CEP126: variants seen among roughly 807,000 people sequenced by gnomAD.
CEP126 encodes centrosomal protein 126, also known as centrosomal protein of 126 kDa.
CEP126 carries 74 observed loss-of-function variants against 107.8 expected under a neutral mutation model. That is an observed-to-expected ratio of 0.69 (90% CI 0.57 to 0.83). CEP126 has a LOEUF of 0.83. Ranked by LOEUF, CEP126 falls within the 40% of genes least tolerant of loss-of-function variation. The pLI is 0.00. For synonymous variants in CEP126, 449 were observed against 446.0 expected (o/e 1.01, Z -0.08); for missense variants, 1,237 against 1,281.9 (o/e 0.96, Z 0.53).
intron 4 of CEP126, among the ~76,000 whole-genome samples, chr11:101,952,257 T>C (rs1427368631): frequency 6.6e-6 from 1 of 152,126 alleles, no homozygotes. Flanking sequence ...GGCAGATAGG[T>C]TGGAAAAGAA....
intron 8 of CEP126, among the ~76,000 whole-genome samples, chr11:101,982,749 T>C (rs1010822187): frequency 1.3e-5 from 2 of 152,216 alleles, no homozygotes; most frequent in Non-Finnish European, 2.9e-5. Flanking sequence ...TACAAGTAGG[T>C]ATTGGATATA....
intron 3 of CEP126, among the ~76,000 whole-genome samples, chr11:101,947,077 T>G (rs958697294): frequency 6.6e-6 from 1 of 152,192 alleles, no homozygotes; most frequent in Non-Finnish European, 1.5e-5. Flanking sequence ...AGTTCAAGTT[T>G]GAACTAACCC....
chr11:101,981,876 T>A lies in CEP126; in HGVS notation c.2959-13T>A. The stretch of plus-strand genomic sequence containing the variant: ...ATGGAAATATGTTTTAATTCAATAT[T>A]CTATTTTTGTAGAATTTTGGACAAA... On this transcript the variant is annotated splice_polypyrimidine_tract_variant and intron_variant, in intron 7 of 10. Transcript: ENST00000263468. The A allele has an allele frequency of 1.3e-6, 2 of 1,499,236 alleles. No homozygotes were observed. Among genetic ancestry groups the A allele is most frequent in the Non-Finnish European group, 1.8e-6 (2 of 1,090,054 alleles). 92.9% of individuals were successfully genotyped at this position (1,499,236 alleles called of 1,614,324 possible).
intron 4 of CEP126, chr11:101,956,116 C>T (rs760164117): frequency 6.6e-5 from 30 of 456,598 alleles, no homozygotes; most frequent in East Asian, 4.2e-4. Context: ...ATCCACCCCA[C>T]GCACCCCAGA....
intron 10 of CEP126, 58 bp from the exon 11 acceptor site, chr11:101,997,541 T>A: frequency 6.2e-7 from 1 of 1,613,100 alleles, no homozygotes; most frequent in Non-Finnish European, 8.5e-7. Context: ...CAGCCTAGTT[T>A]GTAGCTGCAG....
At chr11:101,916,288 AT>A (rs1197780651) in intron 1 of CEP126, 2 of 152,198 alleles carry the variant, frequency 1.3e-5, no homozygotes, top group Admixed American at 1.3e-4. Context: ...CTCTGTTACA[AT>A]TTTAGCAGCA....
At chr11:101,924,266 T>G (rs1334556796) in intron 2 of CEP126, among the ~76,000 whole-genome samples, 1 of 152,222 alleles carries the variant, frequency 6.6e-6, no homozygotes, top group Non-Finnish European at 1.5e-5. Flanking sequence ...ATTTCACCTT[T>G]TATAAGGGGG....
rs1940974629 is a variant in CEP126 at position 101,961,827 on chromosome 11, A to G, written c.792A>G (p.Ile264Met). The G allele has an allele frequency of 6.2e-7, 1 of 1,611,086 alleles. No individual in the cohort carries two copies. The highest frequency in any genetic ancestry group is 8.5e-7 in the Non-Finnish European group (1 of 1,178,058). The change falls in exon 6 of 11, where the codon ATA (isoleucine) becomes ATG (methionine). Residue 264 changes from isoleucine (I) to methionine (M), a missense_variant. This residue lies in a region of CEP126 where 1,134 missense variants were observed against 1,150.5 expected (regional missense o/e 0.99). Coordinates refer to ENST00000263468, the MANE Select transcript of CEP126 (RefSeq NM_020802.4). Reference sequence around the variant, plus strand: ...TTGAGGCTACAGAGCATGAAGAAATATATTTAACACTTAATAAGGAGCATT... The same window carrying G: ...TTGAGGCTACAGAGCATGAAGAAATGTATTTAACACTTAATAAGGAGCATT... ...DSLEATEHEE[I>M]YLTLNKEHST...
rs1941010445 is a variant in CEP126 at position 101,963,415 on chromosome 11, C to T, written c.2380C>T (p.Gln794Ter). Residue 794 changes from glutamine to a stop codon, truncating the protein, a stop_gained, in exon 6 of 11, where the codon CAG becomes TAG. Transcript: ENST00000263468. LOFTEE classifies it high-confidence loss of function. Reference sequence around the variant, plus strand: ...CAAAGTCAACATATTTACACAAGCTCAGGGAAAATTAATTATACCTTGTCC... The same window carrying T: ...CAAAGTCAACATATTTACACAAGCTTAGGGAAAATTAATTATACCTTGTCC... ...ASKVNIFTQA[Q>*]GKLIIPCPPP... 2 of 1,614,078 alleles carry T rather than the reference C, an allele frequency of 1.2e-6. No homozygotes were observed. Among genetic ancestry groups the T allele is most frequent in the East Asian group, 2.2e-5 (1 of 44,874 alleles).
chr11:101,925,519 C>T (rs1388200739), intron 2 of CEP126, among the ~76,000 whole-genome samples: 4 of 150,644 alleles, frequency 2.7e-5, no homozygotes, highest in East Asian at 2.0e-4. Context: ...ACCTGTAATC[C>T]TAGCACTTTG....
chr11:101,932,897 A>G (rs1402501185), intron 2 of CEP126, among the ~76,000 whole-genome samples: 6 of 152,186 alleles, frequency 3.9e-5, no homozygotes, highest in Non-Finnish European at 8.8e-5. Context: ...ACTTACTGTT[A>G]TATACCAAAC....
chr11:101,984,929 CTGT>C (rs1303432987), intron 8 of CEP126, among the ~76,000 whole-genome samples: 1 of 152,186 alleles, frequency 6.6e-6, no homozygotes, highest in Admixed American at 6.5e-5. Flanking sequence ...TTCCTTGTTG[CTGT>C]TGTTGAACAG....
intron 4 of CEP126, 66 bp from the exon 5 acceptor site, chr11:101,958,102 A>G: frequency 7.5e-7 from 1 of 1,334,956 alleles, no homozygotes; most frequent in Non-Finnish European, 1.1e-6. Context: ...TGTGTCATGT[A>G]TATACATATA....
At chr11:101,951,857 A>G (rs1940816752) in intron 4 of CEP126, among the ~76,000 whole-genome samples, 1 of 152,188 alleles carries the variant, frequency 6.6e-6, no homozygotes, top group Non-Finnish European at 1.5e-5. Context: ...AATAGATTTG[A>G]AAGTTATGAT....
Position 101,915,228 on chromosome 11 carries a change from G to C in CEP126, c.-57G>C. On this transcript the variant is annotated 5_prime_UTR_variant, in exon 1 of 11. Coordinates refer to ENST00000263468, the MANE Select transcript of CEP126 (RefSeq NM_020802.4). Reference sequence around the variant, plus strand: ...GGCCGAGCAGGAGGAGGAGGAAGCCGGAGCTGCCATGAGGGAGGTTCTGGG... The same window carrying C: ...GGCCGAGCAGGAGGAGGAGGAAGCCCGAGCTGCCATGAGGGAGGTTCTGGG... 1 of 1,604,068 alleles carries C rather than the reference G, an allele frequency of 6.2e-7. No homozygotes were observed. The highest frequency in any genetic ancestry group is 8.5e-7 in the Non-Finnish European group (1 of 1,174,614).
Position 101,962,763 on chromosome 11 carries a change from A to T in CEP126, c.1728A>T (p.Lys576Asn), listed in dbSNP as rs762455159. The T allele has an allele frequency of 1.2e-6, 2 of 1,605,842 alleles. No individual in the cohort carries two copies. Residue 576 changes from lysine to asparagine, a missense_variant, in exon 6 of 11, where the codon AAA becomes AAT. Coordinates refer to ENST00000263468, the MANE Select transcript of CEP126 (RefSeq NM_020802.4). ...IHERNGVRFL[K>N]SILKKESKYE... ...AGAGAAATGGTGTGAGATTTCTTAA[A>T]AGTATTTTAAAGAAAGAATCTAAAT... is the stretch of plus-strand genomic sequence containing the variant.
At chr11:101,920,326 A>G (rs1278130934) in intron 1 of CEP126, among the ~76,000 whole-genome samples, 2 of 152,208 alleles carry the variant, frequency 1.3e-5, no homozygotes, top group African/African-American at 4.8e-5. Flanking sequence ...AACATGTTGA[A>G]TTAACAAATT....
rs539690800 is a variant in CEP126 at position 101,997,597 on chromosome 11, A to G, written c.3310-2A>G. The G allele has an allele frequency of 6.2e-7, 1 of 1,612,382 alleles. No homozygotes were observed. Among genetic ancestry groups the G allele is most frequent in the South Asian group, 1.1e-5 (1 of 91,082 alleles). ...TGCTTGTTTCTTCTTTCTGATTTCCAGGAGAAGAGAGAAGATAGAACCAGC... is the reference window on the plus strand; with the variant it reads ...TGCTTGTTTCTTCTTTCTGATTTCCGGGAGAAGAGAGAAGATAGAACCAGC... On this transcript the variant is annotated splice_acceptor_variant, in intron 10 of 10. Transcript: ENST00000263468. LOFTEE classifies it high-confidence loss of function.
intron 10 of CEP126, among the ~76,000 whole-genome samples, chr11:101,995,409 T>G (rs1441164222): frequency 6.6e-6 from 1 of 152,222 alleles, no homozygotes; most frequent in East Asian, 1.9e-4. Flanking sequence ...TAAAAAATAC[T>G]GATGCCTGGG....
Sources: allele counts gnomAD v4.1 joint callset (sites outside exome capture counted in the v4.1 genomes callset), GRCh38; gene constraint gnomAD v4.1.1; regional missense constraint gnomAD v4.1.1; transcripts MANE v1.5; gene names NCBI Gene and HGNC (gene_info 2026-07-23, HGNC 2026-07-21).